ATP8B3: variants seen among roughly 807,000 people sequenced by gnomAD.
ATP8B3 encodes ATPase phospholipid transporting 8B3.
In ATP8B3, 141 loss-of-function variants were observed where a neutral mutation model predicts 140.9. The observed-to-expected ratio is 1.00, with a 90% CI of 0.87 to 1.15. The LOEUF (loss-of-function observed/expected upper bound fraction) is 1.15. ATP8B3 is among the 50% of genes most tolerant of loss of function. ATP8B3 has a pLI of 0.00. For synonymous variants in ATP8B3, 765 were observed against 714.6 expected, an observed-to-expected ratio of 1.07 and a Z score of -1.13; for missense variants, 1,874 against 1,740.6, an observed-to-expected ratio of 1.08 and a Z score of -1.36.
chr19:1,790,042 TTCCCCGGGGGCTCCACTGCCCC>T, intron 21 of ATP8B3, 53 bp from the exon 22 acceptor site: 3 of 1,366,980 alleles, frequency 2.2e-6, no homozygotes, highest in Non-Finnish European at 3.1e-6. Context: ...TTCTCCCCAC[TTCCCCGGGGGCTCCACTGCCCC>T]TCCCACCCCT....
intron 23 of ATP8B3, 79 bp from the exon 24 acceptor site, chr19:1,789,199 C>A: frequency 1.2e-6 from 1 of 807,178 alleles, no homozygotes; most frequent in South Asian, 1.7e-5. Context: ...CACTGTTCTG[C>A]CCCCTATCAG....
At chr19:1,789,764 G>A (rs777779133) in intron 22 of ATP8B3, 37 bp from the exon 23 acceptor site, 1 of 1,539,470 alleles carries the variant, frequency 6.5e-7, no homozygotes, top group Non-Finnish European at 8.7e-7. Context: ...AGGCGCCGTG[G>A]CCTCCAGGCC....
chr19:1,796,270 TA>T lies in ATP8B3; in HGVS notation c.1754-6del, dbSNP rs1362503902. 1 of 1,603,472 alleles carries T rather than the reference TA, an allele frequency of 6.2e-7. No individual in the cohort carries two copies. Among genetic ancestry groups the T allele is most frequent in the African/African-American group, 1.3e-5 (1 of 74,708 alleles). On this transcript the variant is annotated splice_region_variant and splice_polypyrimidine_tract_variant and intron_variant, in intron 16 of 28. Coordinates refer to ENST00000310127, the MANE Select transcript of ATP8B3 (RefSeq NM_138813.4). ...CCGCCTGGTACAACAGCTGGTCTGG[TA>T]GGGAGGGGGGCCATTTTGGGGTCAC...
Position 1,809,707 on chromosome 19 carries a change from T to C in ATP8B3, c.338A>G (p.Asn113Ser). Residue 113 changes from asparagine (N) to serine (S), a missense_variant, in exon 4 of 29, where the codon AAC becomes AGC. Asn to Ser is a conservative substitution (Grantham distance 46, BLOSUM62 1). Coordinates refer to ENST00000310127, the MANE Select transcript of ATP8B3 (RefSeq NM_138813.4). ...SAFTWKVQAN[N>S]RAYNGQFKEK... The stretch of plus-strand genomic sequence containing the variant: ...CTTGAACTGCCCGTTGTAGGCACGG[T>C]TGTTGGCCTGGACCTTCCAGGTGAA... 1 of 1,610,912 alleles carries C rather than the reference T, an allele frequency of 6.2e-7. No homozygotes were observed. The highest frequency in any genetic ancestry group is 8.5e-7 in the Non-Finnish European group (1 of 1,178,908).
chr19:1,796,846 C>A lies in ATP8B3; in HGVS notation c.1618G>T (p.Gly540Trp), dbSNP rs1429451203. ...NPYLWNKFAD[G>W]KLLFHNAALL... Reference sequence around the variant, plus strand: ...GCCGCATTGTGGAAGAGCAGCTTCCCGTCGGCGAACTTGTTCCAGAGGTAG... The same window carrying A: ...GCCGCATTGTGGAAGAGCAGCTTCCAGTCGGCGAACTTGTTCCAGAGGTAG... Residue 540 changes from glycine to tryptophan, a missense_variant, in exon 16 of 29, where the codon GGG becomes TGG. Physicochemically the swap from Gly to Trp is radical, Grantham distance 184. Around this residue, in one of 3 missense-constraint regions of ATP8B3, gnomAD observed 1,032 missense variants for 963.6 expected, o/e 1.07. Transcript: ENST00000310127. The A allele has an allele frequency of 1.2e-6, 2 of 1,612,192 alleles. No individual in the cohort carries two copies. Among genetic ancestry groups the A allele is most frequent in the Non-Finnish European group, 1.7e-6 (2 of 1,179,458 alleles).
chr19:1,802,073 A>G (rs1007882699), intron 11 of ATP8B3, 29 bp from the exon 12 acceptor site: 1 of 848,978 alleles, frequency 1.2e-6, no homozygotes, highest in South Asian at 2.3e-5. Flanking sequence ...CTATCCACCC[A>G]CCCACCCACC....
chr19:1,795,756 CT>C (rs2068644123), intron 18 of ATP8B3, 118 bp downstream of exon 18: 3 of 1,014,096 alleles, frequency 3.0e-6, no homozygotes, highest in South Asian at 1.5e-5. Flanking sequence ...GTACAGTCTC[CT>C]CCCCTGCCTC....
At position 1,806,103 on chromosome 19, in the gene ATP8B3, G is replaced by A. The variant is rs368672940; in HGVS notation, c.744C>T (p.Ile248=). Residue 248 remains isoleucine, a synonymous_variant, in exon 8 of 29, where the codon ATC becomes ATT. Transcript: ENST00000310127. This position sits in a 1 kb window ranked among gnomAD's most constrained non-coding sequence, Gnocchi z 5.6. Reference sequence around the variant, plus strand: ...GGGGTCAACCCCAGCTCACTGGGACGATGTTGTCCTTGCGGAGACAGACCA... The same window carrying A: ...GGGGTCAACCCCAGCTCACTGGGACAATGTTGTCCTTGCGGAGACAGACCA... ...GDVVCLRKDN[I]VPADMLLLAS... 468 of 1,602,770 alleles carry A rather than the reference G, an allele frequency of 2.9e-4. 5 individuals carry two copies. The Middle Eastern group carries it at 3.8e-3, about 13-fold the overall frequency.
chr19:1,785,291 G>T lies in ATP8B3; in HGVS notation c.3400C>A (p.Leu1134Ile). ...CLLSITMEVILIIKYWTALCV... is the reference protein window; with the variant it reads ...CLLSITMEVIIIIKYWTALCV... ...AGGGCGGTCCAGTACTTGATGATAAGAATGACCTGGACAGGCAGCGGTGGG... is the reference window on the plus strand; with the variant it reads ...AGGGCGGTCCAGTACTTGATGATAATAATGACCTGGACAGGCAGCGGTGGG... The change falls in exon 27 of 29, where the codon CTT becomes ATT. Residue 1134 changes from leucine to isoleucine, a missense_variant. Transcript: ENST00000310127. 1 of 1,597,124 alleles carries T rather than the reference G, an allele frequency of 6.3e-7. No individual in the cohort carries two copies. The highest frequency in any genetic ancestry group is 8.5e-7 in the Non-Finnish European group (1 of 1,171,348).
At chr19:1,786,160 G>A (rs1202535165) in intron 25 of ATP8B3, among the ~76,000 whole-genome samples, 1 of 151,956 alleles carries the variant, frequency 6.6e-6, no homozygotes, top group African/African-American at 2.4e-5. Context: ...AATGGAAAGA[G>A]CTCTGGAGGT....
At chr19:1,784,404 A>T (rs1427897521) in intron 28 of ATP8B3, among the ~76,000 whole-genome samples, 5 of 152,142 alleles carry the variant, frequency 3.3e-5, no homozygotes, top group African/African-American at 1.2e-4. Flanking sequence ...GGTCTCAGCT[A>T]CTTGGAAAGC....
At chr19:1,809,613 G>A in intron 4 of ATP8B3, 30 bp downstream of exon 4, 1 of 1,567,672 alleles carries the variant, frequency 6.4e-7, no homozygotes, top group Non-Finnish European at 8.7e-7. Context: ...AGCTCCTCTG[G>A]AGCAGGGAGG....
At position 1,806,442 on chromosome 19, in the gene ATP8B3, C is replaced by A. The variant is rs1463062906; in HGVS notation, c.677+186G>T. 20 of 1,449,698 alleles carry A rather than the reference C, an allele frequency of 1.4e-5. No homozygotes were observed. In the Admixed American group the frequency reaches 4.7e-4, roughly 34 times the overall value. The allele number at this position is 1,449,698 out of a possible 1,614,324, so 89.8% of individuals were successfully genotyped here. The stretch of plus-strand genomic sequence containing the variant: ...CCTAAGCTCTGCAAGGGTTCGCCAT[C>A]AGGGCCTCGGCCTCTGTCCTCGTCC... On this transcript the variant is annotated intron_variant, in intron 7 of 28. Coordinates refer to ENST00000310127, the MANE Select transcript of ATP8B3 (RefSeq NM_138813.4). The surrounding 1 kb of genome is among the most constrained non-coding windows in gnomAD (Gnocchi z 5.6).
At chr19:1,792,193 C>G in intron 18 of ATP8B3, 58 bp from the exon 19 acceptor site, 1 of 1,473,652 alleles carries the variant, frequency 6.8e-7, no homozygotes, top group South Asian at 1.3e-5. Context: ...CGAGGCTCAG[C>G]CCTCCCCAAC....
In ATP8B3 at chr19:1,782,950, G is replaced by C. The variant is rs1031488125; in HGVS notation, c.*78C>G. On this transcript the variant is annotated 3_prime_UTR_variant, in exon 29 of 29. Coordinates refer to ENST00000310127, the MANE Select transcript of ATP8B3 (RefSeq NM_138813.4). ...AAAATGATGAGCTAGGTGTAGGGGG[G>C]AGCTGTACTTCCTGGGAGGACACCT... 1 of 1,510,058 alleles carries C rather than the reference G, an allele frequency of 6.6e-7. No homozygotes were observed. The highest frequency in any genetic ancestry group is 2.4e-5 in the East Asian group (1 of 40,832). 93.5% of individuals were successfully genotyped at this position (1,510,058 alleles called of 1,614,324 possible).
chr19:1,801,769 A>C (rs1018273769), intron 12 of ATP8B3, among the ~76,000 whole-genome samples, 187 bp downstream of exon 12: 2 of 152,036 alleles, frequency 1.3e-5, no homozygotes, highest in East Asian at 3.9e-4. Flanking sequence ...AAATAAATAC[A>C]TAATTATTAT....
At chr19:1,801,255 G>A (rs1051003116) in intron 12 of ATP8B3, among the ~76,000 whole-genome samples, 13 of 149,990 alleles carry the variant, frequency 8.7e-5, no homozygotes, top group South Asian at 4.3e-4. Context: ...GGGTTCAAGC[G>A]ATTCTCCTGC....
rs1191617730 is a variant in ATP8B3 at position 1,800,237 on chromosome 19, G to T, written c.1343+22C>A. On this transcript the variant is annotated intron_variant, in intron 13 of 28. Transcript: ENST00000310127. This position sits in a 1 kb window ranked among gnomAD's most constrained non-coding sequence, Gnocchi z 4.4. ...CTCCCCGTTCCGCGTTTGCACCGGG[G>T]ACGCAGCCGGCGGAGACTCACAGGA... 2.5e-6 allele frequency: 4 copies of T among 1,607,950 alleles called. No homozygotes were observed. The highest frequency in any genetic ancestry group is 1.3e-5 in the African/African-American group (1 of 74,854).
intron 21 of ATP8B3, 139 bp from the exon 22 acceptor site, chr19:1,790,128 C>G (rs2068447723): frequency 1.6e-6 from 1 of 620,546 alleles, no homozygotes; most frequent in Admixed American, 2.4e-5. Context: ...TCCCTCTTCC[C>G]CTCCCCTTTC....
Sources: allele counts gnomAD v4.1 joint callset (sites outside exome capture counted in the v4.1 genomes callset), GRCh38; gene constraint gnomAD v4.1.1; regional missense constraint gnomAD v4.1.1; non-coding constraint Gnocchi (gnomAD v3.1); transcripts MANE v1.5; gene names NCBI Gene and HGNC (gene_info 2026-07-23, HGNC 2026-07-21).